The following SHISAL2A variants were observed in gnomAD, a reference collection of about 807,000 sequenced individuals.
SHISAL2A encodes the protein shisa like 2A.
In SHISAL2A, 18 loss-of-function variants were observed where a neutral mutation model predicts 11.5. The observed-to-expected ratio is 1.57, with a 90% CI of 1.08 to 2.33. SHISAL2A has a LOEUF of 2.33. SHISAL2A is among the 30% of genes most tolerant of loss of function. The pLI, the probability that SHISAL2A is intolerant of heterozygous loss-of-function variation, is 0.00. For synonymous variants in SHISAL2A, 94 were observed against 99.6 expected (o/e 0.94, Z 0.34); for missense variants, 261 against 250.9 (o/e 1.04, Z -0.27).
chr1:52,633,346 C>G lies in SHISAL2A; in HGVS notation c.-148C>G. ...GGTCCTCGGGGCCCCGCGCTGCTGTCTCTGTCTCGGCTTCTCTCGGCCCCT... is the reference window on the plus strand; with the variant it reads ...GGTCCTCGGGGCCCCGCGCTGCTGTGTCTGTCTCGGCTTCTCTCGGCCCCT... On this transcript the variant is annotated 5_prime_UTR_variant, in exon 1 of 3. Transcript: ENST00000517870. The surrounding 1 kb of genome is among the most constrained non-coding windows in gnomAD (Gnocchi z 6.4). 1 of 729,162 alleles carries G rather than the reference C, an allele frequency of 1.4e-6. No homozygotes were observed. The highest frequency in any genetic ancestry group is 2.0e-6 in the Non-Finnish European group (1 of 490,812). 45.2% of individuals were successfully genotyped at this position (729,162 alleles called of 1,614,324 possible). A position where few individuals can be genotyped will look rare whatever the true frequency, so the allele number is the denominator to read the frequency against.
chr1:52,654,224 TATAGATAGATAGATAGATAG>T (rs55929422), intron 2 of SHISAL2A, among the ~76,000 whole-genome samples: 1 of 147,672 alleles, frequency 6.8e-6, no homozygotes, highest in Non-Finnish European at 1.5e-5. Context: ...ATGGCAGTTT[TATAGATAGATAGATAGATAG>T]ATAGATAGAT....
exon 5 of SHISAL2A, chr1:52,667,405 C>T (rs1558097260): frequency 2.0e-6 from 2 of 984,900 alleles, no homozygotes; most frequent in Non-Finnish European, 2.4e-6. Flanking sequence ...GCAGGTGGTT[C>T]CTAACTTCCT....
At chr1:52,643,698 C>T (rs1474226802) in intron 2 of SHISAL2A, among the ~76,000 whole-genome samples, 1 of 152,042 alleles carries the variant, frequency 6.6e-6, no homozygotes, top group African/African-American at 2.4e-5. Flanking sequence ...ACTAAAAATA[C>T]AAAAATTAGC....
At position 52,633,374 on chromosome 1, in the gene SHISAL2A, G is replaced by A. The variant is rs1477215865; in HGVS notation, c.-120G>A. The A allele has an allele frequency of 3.3e-6, 3 of 902,578 alleles. No homozygotes were observed. Among genetic ancestry groups the A allele is most frequent in the East Asian group, 3.3e-5 (1 of 30,552 alleles). The allele number at this position is 902,578 out of a possible 1,614,324, so 55.9% of individuals were successfully genotyped here. On this transcript the variant is annotated 5_prime_UTR_variant, in exon 1 of 3. Transcript: ENST00000517870. This position sits in a 1 kb window ranked among gnomAD's most constrained non-coding sequence, Gnocchi z 6.4. ...TGTCTCGGCTTCTCTCGGCCCCTGGGTCTCTTCGTCTCTGCCGTTCTCAGG... is the reference window on the plus strand; with the variant it reads ...TGTCTCGGCTTCTCTCGGCCCCTGGATCTCTTCGTCTCTGCCGTTCTCAGG...
At position 52,651,870 on chromosome 1, in the gene SHISAL2A, A is replaced by C. The variant is rs141269117; in HGVS notation, c.323-4920A>C. On this transcript the variant is annotated intron_variant, in intron 2 of 2. Transcript: ENST00000517870. ...CAGAACTTGGAGTTCAAAGGGAAAG[A>C]AGTAGAAAAATTAGGCCAGTTGTAT... Among the ~76,000 whole-genome samples the C allele has an allele frequency of 1.5e-4, 23 of 152,380 alleles. No homozygotes were observed. The East Asian group carries it at 4.4e-3, about 29-fold the overall frequency.
chr1:52,662,673 C>T lies in SHISAL2A; in HGVS notation n.695+3093C>T, dbSNP rs374118718. ...CACCCTTTCTGTTTTAAAGAGAGTA[C>T]CCCTTAGGGCTCCAAGGGCTCTGGA... On this transcript the variant is annotated intron_variant and non_coding_transcript_variant, in intron 4 of 5. Coordinates refer to the SHISAL2A transcript ENST00000401050. 5.3e-5 allele frequency among the ~76,000 whole-genome samples: 8 copies of T among 152,038 alleles called. No individual in the cohort carries two copies. The East Asian group carries it at 5.8e-4, about 11-fold the overall frequency.
At chr1:52,652,265 G>A (rs547107980) in intron 2 of SHISAL2A, among the ~76,000 whole-genome samples, 1 of 152,300 alleles carries the variant, frequency 6.6e-6, no homozygotes, top group East Asian at 1.9e-4. Flanking sequence ...TATGAGAATC[G>A]AGAGAACAGA....
At chr1:52,658,538 G>A (rs1691843542), downstream of SHISAL2A, among the ~76,000 whole-genome samples, 1 of 152,066 alleles carries the variant, frequency 6.6e-6, no homozygotes, top group African/African-American at 2.4e-5. Context: ...TATATAAGCT[G>A]GAATCTTAGT....
intron 4 of SHISAL2A, chr1:52,667,316 C>A: frequency 1.5e-6 from 1 of 667,882 alleles, no homozygotes. Flanking sequence ...CTTTTCCCCT[C>A]AGTAATAGCT....
At chr1:52,639,002 T>G (rs1404864978) in intron 1 of SHISAL2A, among the ~76,000 whole-genome samples, 1 of 152,092 alleles carries the variant, frequency 6.6e-6, no homozygotes, top group Admixed American at 6.5e-5. Flanking sequence ...TGAAACCCAG[T>G]CTGTAAAAAG....
downstream of SHISAL2A, chr1:52,657,141 T>G (rs1194086538): frequency 1.4e-6 from 2 of 1,439,788 alleles, no homozygotes; most frequent in African/African-American, 2.8e-5. Flanking sequence ...AATGAGGGCT[T>G]CTCCCAGCAA....
At chr1:52,663,503 G>A (rs1691947062) in intron 4 of SHISAL2A, among the ~76,000 whole-genome samples, 1 of 152,220 alleles carries the variant, frequency 6.6e-6, no homozygotes, top group Non-Finnish European at 1.5e-5. Flanking sequence ...GCTCACGCCT[G>A]TAATCCCAGC....
chr1:52,657,022 A>T lies in SHISAL2A; in HGVS notation c.555A>T (p.Leu185=). ...AAGCCTCTGTACCCAACCCTGACCT[A>T]TGTGGACCAGTCCCATAAACATTCA... ...PEEASVPNPD[L]CGPVP The change falls in exon 3 of 3, where the codon CTA becomes CTT. Residue 185 remains leucine (L), a synonymous_variant. Transcript: ENST00000517870. 6.2e-7 allele frequency: 1 copy of T among 1,608,062 alleles called. No individual in the cohort carries two copies. Among genetic ancestry groups the T allele is most frequent in the South Asian group, 1.1e-5 (1 of 90,586 alleles).
rs1041424131 is a variant in SHISAL2A, at chr1:52,642,833, C to G, written c.183-30C>G. ...CTGTCTCCCAAGTCCCTTCCTGACT[C>G]TCAGCTCCCATGTGGTCTTCTCTTC... On this transcript the variant is annotated intron_variant, in intron 1 of 2. Transcript: ENST00000517870. 7 of 1,610,958 alleles carry G rather than the reference C, an allele frequency of 4.3e-6. No homozygotes were observed. In the African/African-American group the frequency reaches 9.4e-5, roughly 22 times the overall value.
At chr1:52,648,068 A>C (rs1691542210) in intron 2 of SHISAL2A, among the ~76,000 whole-genome samples, 1 of 38,054 alleles carries the variant, frequency 2.6e-5, no homozygotes, top group Non-Finnish European at 4.8e-5. Flanking sequence ...ATTATATATT[A>C]ATATATCATA....
upstream of SHISAL2A, among the ~76,000 whole-genome samples, chr1:52,633,132 G>C (rs1465992137): frequency 6.6e-6 from 1 of 152,206 alleles, no homozygotes; most frequent in Admixed American, 6.5e-5. The surrounding 1 kb of genome is among the most constrained non-coding windows in gnomAD (Gnocchi z 6.4). Context: ...GTGCAGGCAG[G>C]GGGAGCGCAG....
downstream of SHISAL2A, among the ~76,000 whole-genome samples, chr1:52,661,811 A>T (rs977795809): frequency 6.6e-6 from 1 of 152,152 alleles, no homozygotes; most frequent in Non-Finnish European, 1.5e-5. Flanking sequence ...GAGGGCGGAT[A>T]ACCTGAGGTC....
rs1691799073 is a variant in SHISAL2A, at chr1:52,656,802, T to C, written c.335T>C (p.Val112Ala). 1 of 1,608,518 alleles carries C rather than the reference T, an allele frequency of 6.2e-7. No homozygotes were observed. Among genetic ancestry groups the C allele is most frequent in the African/African-American group, 1.3e-5 (1 of 74,682 alleles). The part of the protein sequence containing the change: ...LSLQTAGPEE[V>A]SPDCQGVNTG... ...TGCTGTTTTCCAGGCCCTGAGGAGG[T>C]TTCTCCTGACTGCCAAGGTGTGAAC... Residue 112 changes from valine (V) to alanine (A), a missense_variant, in exon 3 of 3, where the codon GTT becomes GCT. By Grantham distance (64) the Val-to-Ala change is moderately conservative. Transcript: ENST00000517870.
intron 2 of SHISAL2A, among the ~76,000 whole-genome samples, chr1:52,645,030 A>T (rs1691465999): frequency 1.3e-5 from 2 of 151,898 alleles, no homozygotes; most frequent in Admixed American, 1.3e-4. Flanking sequence ...AAAAAAAAAA[A>T]AAAAGAAGAA....
Sources: gnomAD v4.1 joint callset for allele counts (sites outside exome capture counted in the v4.1 genomes callset) on GRCh38, gnomAD v4.1.1 for gene constraint, Gnocchi (gnomAD v3.1) non-coding constraint, MANE v1.5 for transcripts, NCBI Gene and HGNC (gene_info 2026-07-23, HGNC 2026-07-21) for gene names.